Variants in SYN2 observed in about 807,000 individuals in gnomAD.
SYN2 encodes synapsin-2.
Under a neutral mutation model 50.9 loss-of-function variants are expected in SYN2, and 19 were observed. The ratio of observed to expected loss-of-function variants is 0.37; its 90% CI spans 0.26 to 0.55. SYN2 has a LOEUF of 0.55. Among genes scored for constraint, SYN2 ranks in the 20% least tolerant of loss-of-function variants. The pLI is 0.81. For missense variants in SYN2, 587 were observed against 576.4 expected, an observed-to-expected ratio of 1.02 and a Z score of -0.19; for synonymous variants, 255 against 224.9, an observed-to-expected ratio of 1.13 and a Z score of -1.20.
chr3:12,098,402 A>G (rs1393198041), intron 1 of SYN2, among the ~76,000 whole-genome samples: 1 of 152,020 alleles, frequency 6.6e-6, no homozygotes, highest in Non-Finnish European at 1.5e-5. Flanking sequence ...AAAAATACTT[A>G]TATGATAATA....
At chr3:12,027,704 G>T (rs2125139472) in intron 1 of SYN2, among the ~76,000 whole-genome samples, 1 of 152,274 alleles carries the variant, frequency 6.6e-6, no homozygotes, top group South Asian at 2.1e-4. Context: ...CTTCCCCAAA[G>T]ATGCATACAG....
rs533156963 is a variant in SYN2 at position 12,186,575 on chromosome 3, C to T, written c.1370-794C>T. ...GCTGAGAGGTTCATCCTGCTAGAAC[C>T]CCTTGAGGATATTACTGAGAGGCAA... On this transcript the variant is annotated intron_variant, in intron 11 of 12. Coordinates refer to ENST00000621198, the MANE Select transcript of SYN2 (RefSeq NM_133625.6). Among the ~76,000 whole-genome samples the T allele has an allele frequency of 1.6e-4, 24 of 152,148 alleles. No homozygotes were observed. The South Asian group carries it at 4.8e-3, about 30-fold the overall frequency.
intron 1 of SYN2, among the ~76,000 whole-genome samples, chr3:12,111,736 G>T (rs1559424365): frequency 6.6e-6 from 1 of 152,192 alleles, no homozygotes; most frequent in Non-Finnish European, 1.5e-5. Flanking sequence ...TTAGTAGGCT[G>T]TTTTTTAAGA....
chr3:12,172,183 G>A lies in SYN2; in HGVS notation c.1308+2277G>A, dbSNP rs143228309. ...CTGCTATAACATTATGTGACCTTGG[G>A]CAAGTTACTTCCCATCTCTAGACCT... On this transcript the variant is annotated intron_variant, in intron 10 of 12. Coordinates refer to ENST00000621198, the MANE Select transcript of SYN2 (RefSeq NM_133625.6). Among the ~76,000 whole-genome samples the A allele has an allele frequency of 2.0e-5, 3 of 152,256 alleles. No homozygotes were observed. The East Asian group carries it at 5.8e-4, about 29-fold the overall frequency.
chr3:12,057,778 G>T (rs1019187107), intron 1 of SYN2, among the ~76,000 whole-genome samples: 2 of 152,048 alleles, frequency 1.3e-5, no homozygotes, highest in Non-Finnish European at 2.9e-5. Flanking sequence ...AATCAGGGAA[G>T]ATTTTATGAA....
intron 1 of SYN2, among the ~76,000 whole-genome samples, chr3:12,054,793 GAA>G (rs2125157943): frequency 6.6e-6 from 1 of 151,608 alleles, no homozygotes; most frequent in East Asian, 1.9e-4. Flanking sequence ...AGTTTTTAAA[GAA>G]AGGGTGCCTA....
intron 1 of SYN2, among the ~76,000 whole-genome samples, chr3:12,048,795 A>G (rs1694794642): frequency 6.6e-6 from 1 of 152,238 alleles, no homozygotes; most frequent in Non-Finnish European, 1.5e-5. Flanking sequence ...CAAGTCATGC[A>G]GCAGTAAATG....
At position 12,177,057 on chromosome 3, in the gene SYN2, G is replaced by A. The variant is rs377344449; in HGVS notation, c.1309-6255G>A. ...CATGCTGAGATCCAGACTGTGTGCA[G>A]CCATGGGACCTGGAAAAGGCTGTGA... On this transcript the variant is annotated intron_variant, in intron 10 of 12. Coordinates refer to ENST00000621198, the MANE Select transcript of SYN2 (RefSeq NM_133625.6). Among the ~76,000 whole-genome samples, 12 of 152,338 alleles carry A rather than the reference G, an allele frequency of 7.9e-5. No individual in the cohort carries two copies. In the East Asian group the frequency reaches 2.3e-3, roughly 29 times the overall value.
intron 10 of SYN2, among the ~76,000 whole-genome samples, chr3:12,171,017 A>G (rs569985068): frequency 6.6e-6 from 1 of 152,318 alleles, no homozygotes; most frequent in Admixed American, 6.5e-5. Flanking sequence ...CTTTGAGTAG[A>G]ATACTTCCGT....
At chr3:12,135,256 G>C (rs1297421698) in intron 1 of SYN2, among the ~76,000 whole-genome samples, 1 of 152,164 alleles carries the variant, frequency 6.6e-6, no homozygotes, top group East Asian at 1.9e-4. Context: ...ACTTGCACCA[G>C]GACAGGAAGG....
intron 1 of SYN2, among the ~76,000 whole-genome samples, chr3:12,113,539 A>G (rs1411955876): frequency 1.3e-5 from 2 of 152,172 alleles, no homozygotes; most frequent in African/African-American, 4.8e-5. Context: ...ACAGTGTTGT[A>G]CAATCCTCAC....
intron 1 of SYN2, among the ~76,000 whole-genome samples, chr3:12,077,290 ATTTTTTTCC>A (rs1346010036): frequency 6.6e-6 from 1 of 151,552 alleles, no homozygotes; most frequent in Non-Finnish European, 1.5e-5. Context: ...CTTGCATAGA[ATTTTTTTCC>A]TTTTTTTTTA....
chr3:12,162,537 A>G (rs1697679467), intron 7 of SYN2, among the ~76,000 whole-genome samples: 1 of 152,190 alleles, frequency 6.6e-6, no homozygotes, highest in South Asian at 2.1e-4. Flanking sequence ...TAGGCTTGCC[A>G]CTACCTCCTG....
At chr3:12,109,768 G>T (rs1559423618) in intron 1 of SYN2, among the ~76,000 whole-genome samples, 2 of 152,170 alleles carry the variant, frequency 1.3e-5, no homozygotes, top group Non-Finnish European at 2.9e-5. Flanking sequence ...CGTGCAAGAG[G>T]CAATAGAGTA....
intron 11 of SYN2, among the ~76,000 whole-genome samples, 200 bp from the exon 12 acceptor site, chr3:12,187,169 T>A (rs1698358481): frequency 6.6e-6 from 1 of 152,136 alleles, no homozygotes; most frequent in African/African-American, 2.4e-5. Context: ...GTTGCTCCGT[T>A]TCTGAGGAGA....
intron 5 of SYN2, among the ~76,000 whole-genome samples, chr3:12,155,261 G>A (rs1697421538): frequency 6.6e-6 from 1 of 152,222 alleles, no homozygotes; most frequent in African/African-American, 2.4e-5. Context: ...TTAGAAATGA[G>A]TAGGGTAGAT....
Position 12,187,594 on chromosome 3 carries a change from A to G in SYN2, c.1595A>G (p.Gln532Arg), listed in dbSNP as rs1317016067. ...CTGGCTGCTCCACCACAGAAGCCCC[A>G]GCCTCACCCACAGCTCAAGTAAGAG... Reference protein sequence around the residue: ...PPLAAPPQKPQPHPQLNKSQS... With the variant: ...PPLAAPPQKPRPHPQLNKSQS... Residue 532 changes from glutamine (Q) to arginine (R), a missense_variant, in exon 12 of 13, where the codon CAG becomes CGG. Transcript: ENST00000621198. 6.5e-7 allele frequency: 1 copy of G among 1,549,904 alleles called. No individual in the cohort carries two copies. Among genetic ancestry groups the G allele is most frequent in the Non-Finnish European group, 8.7e-7 (1 of 1,145,354 alleles).
chr3:12,081,215 G>A (rs1695582342), intron 1 of SYN2, among the ~76,000 whole-genome samples: 1 of 152,146 alleles, frequency 6.6e-6, no homozygotes, highest in South Asian at 2.1e-4. Flanking sequence ...ATTTATGCAT[G>A]CACTATTGCT....
chr3:12,052,277 C>T (rs1368705072), intron 1 of SYN2, among the ~76,000 whole-genome samples: 2 of 151,942 alleles, frequency 1.3e-5, no homozygotes, highest in Admixed American at 6.5e-5. Flanking sequence ...AAGTAAGTAA[C>T]CTCTGTTCTA....
Sources: gnomAD v4.1 joint callset for allele counts (sites outside exome capture counted in the v4.1 genomes callset) on GRCh38, gnomAD v4.1.1 for gene constraint, MANE v1.5 for transcripts, NCBI Gene and HGNC (gene_info 2026-07-23, HGNC 2026-07-21) for gene names.